Variants in CAMK4 observed in about 807,000 individuals in gnomAD.
CAMK4 encodes the protein calcium/calmodulin-dependent protein kinase type IV.
A neutral mutation model predicts 44.9 loss-of-function variants in CAMK4; 22 were observed. The observed-to-expected ratio is 0.49, with a 90% CI of 0.35 to 0.70. The LOEUF is 0.70. Ranked by LOEUF, CAMK4 falls within the 30% of genes least tolerant of loss-of-function variation. CAMK4 has a pLI of 0.01. For missense variants in CAMK4, 498 were observed against 586.8 expected, an observed-to-expected ratio of 0.85 and a Z score of 1.56; for synonymous variants, 218 against 215.4, an observed-to-expected ratio of 1.01 and a Z score of -0.11.
In CAMK4 at chr5:111,485,956, A is replaced by G. The variant is rs984633294; in HGVS notation, c.*1490A>G. 10 of 152,212 alleles carry G rather than the reference A, an allele frequency of 6.6e-5. No individual in the cohort carries two copies. Among genetic ancestry groups the G allele is most frequent in the African/African-American group, 2.2e-4 (9 of 41,466 alleles). 9.4% of individuals were successfully genotyped at this position (152,212 alleles called of 1,614,324 possible). ...GTGGGTTTTCTCAATTTTAAAAAAG[A>G]ATTCATTTTAAAAAATAATTATTTT... On this transcript the variant is annotated 3_prime_UTR_variant, in exon 11 of 11. Transcript: ENST00000282356.
intron 5 of CAMK4, among the ~76,000 whole-genome samples, chr5:111,434,968 T>C (rs982701209): frequency 2.6e-5 from 4 of 152,218 alleles, no homozygotes; most frequent in Non-Finnish European, 4.4e-5. Flanking sequence ...ACACAGCCCA[T>C]TGAACACAGC....
intron 1 of CAMK4, among the ~76,000 whole-genome samples, chr5:111,247,296 A>G (rs2112531972): frequency 6.8e-6 from 1 of 147,898 alleles, no homozygotes; most frequent in East Asian, 2.0e-4. Context: ...ATTTATATTA[A>G]ATATAAATTA....
In CAMK4 at chr5:111,246,089, G is replaced by A. The variant is rs377077630; in HGVS notation, c.161+21445G>A. 3.3e-5 allele frequency among the ~76,000 whole-genome samples: 5 copies of A among 152,302 alleles called. No individual in the cohort carries two copies. In the East Asian group the frequency reaches 9.6e-4, roughly 29 times the overall value. ...TGAAATTGAAAGCTATATTTTATGTGTGGACGTGTTTTTCTGAAGCAAGTC... is the reference window on the plus strand; with the variant it reads ...TGAAATTGAAAGCTATATTTTATGTATGGACGTGTTTTTCTGAAGCAAGTC... On this transcript the variant is annotated intron_variant, in intron 1 of 10. Coordinates refer to ENST00000282356, the MANE Select transcript of CAMK4 (RefSeq NM_001744.6).
chr5:111,266,694 A>C (rs1225214025), intron 1 of CAMK4, among the ~76,000 whole-genome samples: 1 of 152,232 alleles, frequency 6.6e-6, no homozygotes, highest in East Asian at 1.9e-4. Flanking sequence ...TTTGCCATAC[A>C]AATAAAATGT....
At chr5:111,434,678 G>T (rs1215503465) in intron 5 of CAMK4, among the ~76,000 whole-genome samples, 2 of 152,182 alleles carry the variant, frequency 1.3e-5, no homozygotes, top group African/African-American at 2.4e-5. Context: ...AGAGGTCAAT[G>T]ATAAAGACGA....
chr5:111,396,680 A>T (rs1752025171), intron 5 of CAMK4, among the ~76,000 whole-genome samples: 1 of 107,298 alleles, frequency 9.3e-6, no homozygotes, highest in Non-Finnish European at 1.7e-5. Flanking sequence ...TCGCTCTGTC[A>T]CCCAGGCTGG....
intron 1 of CAMK4, among the ~76,000 whole-genome samples, chr5:111,314,488 TTAAC>T (rs1220876662): frequency 1.3e-5 from 2 of 152,092 alleles, no homozygotes; most frequent in African/African-American, 4.8e-5. Context: ...GTTTGCTTAA[TTAAC>T]TAATAAATTT....
chr5:111,353,502 A>C (rs1750200251), intron 2 of CAMK4, among the ~76,000 whole-genome samples: 1 of 152,118 alleles, frequency 6.6e-6, no homozygotes, highest in Non-Finnish European at 1.5e-5. Context: ...TAACAGTAGG[A>C]AAAAATACCT....
At chr5:111,420,892 T>A (rs1753002550) in intron 5 of CAMK4, among the ~76,000 whole-genome samples, 1 of 152,132 alleles carries the variant, frequency 6.6e-6, no homozygotes, top group Non-Finnish European at 1.5e-5. Context: ...CAAACACACA[T>A]GCTGTACAGT....
chr5:111,391,099 G>A (rs1383185175), intron 4 of CAMK4, among the ~76,000 whole-genome samples: 1 of 152,158 alleles, frequency 6.6e-6, no homozygotes, highest in African/African-American at 2.4e-5. Flanking sequence ...CATTGTCAAG[G>A]CCTTGTGAAC....
intron 1 of CAMK4, among the ~76,000 whole-genome samples, chr5:111,258,683 A>T (rs759057688): frequency 2.0e-5 from 3 of 151,686 alleles, no homozygotes; most frequent in Non-Finnish European, 4.4e-5. Context: ...ATTCAAGTTG[A>T]GATTTGGGTG....
intron 4 of CAMK4, among the ~76,000 whole-genome samples, chr5:111,391,533 A>C (rs1306841502): frequency 6.6e-6 from 1 of 152,036 alleles, no homozygotes; most frequent in African/African-American, 2.4e-5. Context: ...TAAAAAAAAA[A>C]CATGAAAATA....
chr5:111,395,109 T>C (rs1202891581), intron 5 of CAMK4, among the ~76,000 whole-genome samples: 2 of 148,980 alleles, frequency 1.3e-5, no homozygotes, highest in African/African-American at 5.0e-5. Flanking sequence ...CTTCAGGGGC[T>C]GAAGCACAAG....
chr5:111,315,383 G>A (rs180781150), intron 1 of CAMK4, among the ~76,000 whole-genome samples: 1 of 152,218 alleles, frequency 6.6e-6, no homozygotes, highest in East Asian at 1.9e-4. Context: ...TGTAGGTGGT[G>A]CACAGAACAT....
chr5:111,253,923 A>G (rs1749627924), intron 1 of CAMK4, among the ~76,000 whole-genome samples: 1 of 152,208 alleles, frequency 6.6e-6, no homozygotes, highest in African/African-American at 2.4e-5. Context: ...AATTTCAATT[A>G]TTTAAATTAT....
intron 7 of CAMK4, among the ~76,000 whole-genome samples, chr5:111,462,303 C>A (rs1754672277): frequency 6.6e-6 from 1 of 152,230 alleles, no homozygotes; most frequent in South Asian, 2.1e-4. Context: ...ATTCTTCCTC[C>A]AAGCATTTCC....
chr5:111,449,570 T>C (rs1754156469), intron 7 of CAMK4: 1 of 157,832 alleles, frequency 6.3e-6, no homozygotes, highest in African/African-American at 2.4e-5. Flanking sequence ...GGAGAGTGTG[T>C]GTTTAATTCA....
chr5:111,242,500 A>C (rs966708722), intron 1 of CAMK4, among the ~76,000 whole-genome samples: 3 of 152,022 alleles, frequency 2.0e-5, no homozygotes, highest in Non-Finnish European at 2.9e-5. Flanking sequence ...ACTCTTTCCT[A>C]GGTTATTGCA....
At chr5:111,313,647 G>T (rs1748302152) in intron 1 of CAMK4, among the ~76,000 whole-genome samples, 1 of 152,050 alleles carries the variant, frequency 6.6e-6, no homozygotes, top group African/African-American at 2.4e-5. Context: ...TTACCATTAA[G>T]AAATAATGTG....
Sources: gnomAD v4.1 joint callset for allele counts (sites outside exome capture counted in the v4.1 genomes callset) on GRCh38, gnomAD v4.1.1 for gene constraint, MANE v1.5 for transcripts, NCBI Gene and HGNC (gene_info 2026-07-23, HGNC 2026-07-21) for gene names.